The following GALNT13 variants were observed in gnomAD, a reference collection of about 807,000 sequenced individuals.
GALNT13 encodes the protein polypeptide N-acetylgalactosaminyltransferase 13, also known as UDP-GalNAc:polypeptide N-acetylgalactosaminyltransferase 13.
In GALNT13, 28 loss-of-function variants were observed where a neutral mutation model predicts 64.2. The ratio of observed to expected loss-of-function variants is 0.44; its 90% CI spans 0.32 to 0.60. The LOEUF (loss-of-function observed/expected upper bound fraction) is 0.60. Ranked by LOEUF, GALNT13 falls within the 20% of genes least tolerant of loss-of-function variation. The pLI is 0.05. For missense variants in GALNT13, 577 were observed against 669.8 expected, an observed-to-expected ratio of 0.86 and a Z score of 1.53; for synonymous variants, 214 against 224.6, an observed-to-expected ratio of 0.95 and a Z score of 0.42.
At chr2:153,518,839 G>A in the GALNT13 span, among the ~76,000 whole-genome samples, 1 of 152,066 alleles carries the variant, frequency 6.6e-6, no homozygotes, top group Non-Finnish European at 1.5e-5. Flanking sequence ...GGTTTCATAT[G>A]AATTGAGAGC....
chr2:153,749,475 A>G, the GALNT13 span, among the ~76,000 whole-genome samples: 2 of 151,988 alleles, frequency 1.3e-5, no homozygotes, highest in Admixed American at 1.3e-4. Flanking sequence ...ATGAACATGG[A>G]ATACATTTTC....
the GALNT13 span, among the ~76,000 whole-genome samples, chr2:153,861,958 G>A: frequency 0.82 from 124,833 of 152,134 alleles, 52,476 homozygotes; most frequent in Non-Finnish European, 0.9. Flanking sequence ...GGTGGCTCAC[G>A]TGGTTTGCAG....
intron 4 of GALNT13, among the ~76,000 whole-genome samples, chr2:154,226,094 G>C (rs576670024): frequency 7.9e-5 from 12 of 152,252 alleles, no homozygotes; most frequent in African/African-American, 2.9e-4. Flanking sequence ...CCTTGGAAAA[G>C]AGGGATTCTG....
chr2:153,983,602 A>G (rs1259603721), intron 3 of GALNT13, among the ~76,000 whole-genome samples: 1 of 151,974 alleles, frequency 6.6e-6, no homozygotes, highest in Non-Finnish European at 1.5e-5. Flanking sequence ...TTTAAGCTTT[A>G]AGTATTCTCT....
At chr2:153,245,399 G>A in the GALNT13 span, among the ~76,000 whole-genome samples, 34 of 152,280 alleles carry the variant, frequency 2.2e-4, no homozygotes, top group African/African-American at 6.7e-4. Context: ...TCTGGCTGCC[G>A]TCAGGCTGGT....
chr2:153,546,951 C>G, the GALNT13 span, among the ~76,000 whole-genome samples: 85 of 152,132 alleles, frequency 5.6e-4, 1 homozygote, highest in East Asian at 0.014. Flanking sequence ...CTTTGTTTTC[C>G]TCTGGCTATG....
the GALNT13 span, among the ~76,000 whole-genome samples, chr2:153,363,702 G>A: frequency 2.6e-5 from 4 of 152,146 alleles, no homozygotes; most frequent in African/African-American, 9.7e-5. Context: ...CCAAATCCCT[G>A]AATAGACCAA....
At chr2:154,010,525 C>T (rs1377172255) in intron 3 of GALNT13, among the ~76,000 whole-genome samples, 1 of 152,080 alleles carries the variant, frequency 6.6e-6, no homozygotes, top group Non-Finnish European at 1.5e-5. Flanking sequence ...CTATGTTCAT[C>T]AAGGTTATTG....
At chr2:153,129,557 G>A in the GALNT13 span, among the ~76,000 whole-genome samples, 5 of 152,140 alleles carry the variant, frequency 3.3e-5, no homozygotes, top group South Asian at 4.1e-4. Context: ...AGCAGATCAC[G>A]AGGTCAAGAG....
intron 4 of GALNT13, among the ~76,000 whole-genome samples, chr2:154,156,241 C>T (rs56291090): frequency 0.052 from 7,909 of 151,906 alleles, 290 homozygotes; most frequent in South Asian, 0.11. Context: ...TATAAAATGG[C>T]GTTGAATTTC....
the GALNT13 span, among the ~76,000 whole-genome samples, chr2:153,358,027 C>T: frequency 2.0e-3 from 304 of 152,104 alleles, no homozygotes; most frequent in African/African-American, 7.0e-3. Context: ...TCATATGAAC[C>T]GAGAAATGAG....
At chr2:154,072,065 G>C (rs889995610) in intron 3 of GALNT13, among the ~76,000 whole-genome samples, 1 of 152,144 alleles carries the variant, frequency 6.6e-6, no homozygotes, top group African/African-American at 2.4e-5. Context: ...AGCTGTATAT[G>C]AAGTTGCTTC....
the GALNT13 span, among the ~76,000 whole-genome samples, chr2:153,522,378 G>C: frequency 6.6e-6 from 1 of 151,994 alleles, no homozygotes; most frequent in Non-Finnish European, 1.5e-5. Context: ...CAATAAGTGA[G>C]AGTGTGAGAA....
intron 3 of GALNT13, among the ~76,000 whole-genome samples, chr2:154,086,478 G>C (rs189483029): frequency 1.9e-4 from 28 of 149,276 alleles, no homozygotes; most frequent in African/African-American, 6.6e-4. Flanking sequence ...TAAATCTTAA[G>C]ATATAGGTAT....
chr2:154,092,546 C>A (rs1321168442), intron 3 of GALNT13, among the ~76,000 whole-genome samples: 1 of 151,994 alleles, frequency 6.6e-6, no homozygotes, highest in African/African-American at 2.4e-5. Context: ...ACTTAATTAA[C>A]TGGAAACTGT....
At chr2:154,243,106 G>T (rs1689585932) in intron 6 of GALNT13, among the ~76,000 whole-genome samples, 1 of 152,156 alleles carries the variant, frequency 6.6e-6, no homozygotes, top group Non-Finnish European at 1.5e-5. Context: ...TTAAGAAATA[G>T]TGAAATAATT....
At chr2:154,015,577 T>C (rs1696948604) in intron 3 of GALNT13, among the ~76,000 whole-genome samples, 1 of 152,236 alleles carries the variant, frequency 6.6e-6, no homozygotes, top group African/African-American at 2.4e-5. Flanking sequence ...TTTCCCATTT[T>C]ATTCTGAGTT....
the GALNT13 span, among the ~76,000 whole-genome samples, chr2:153,318,518 A>G: frequency 3.9e-5 from 6 of 152,326 alleles, no homozygotes; most frequent in Admixed American, 1.3e-4. Flanking sequence ...GCATTTTCCA[A>G]TCATGAGGAA....
intron 1 of GALNT13, among the ~76,000 whole-genome samples, chr2:153,877,252 G>T (rs1385553617): frequency 2.0e-5 from 3 of 152,042 alleles, no homozygotes; most frequent in Admixed American, 6.6e-5. Context: ...GATATATCAT[G>T]TTAAGGTTTT....
Sources: allele counts gnomAD v4.1 joint callset (sites outside exome capture counted in the v4.1 genomes callset), GRCh38; gene constraint gnomAD v4.1.1; transcripts MANE v1.5; gene names NCBI Gene and HGNC (gene_info 2026-07-23, HGNC 2026-07-21).